SH3BGR: variants seen among roughly 807,000 people sequenced by gnomAD.
The protein encoded by SH3BGR is SH3 domain binding glutamate rich protein, also known as SH3 domain-binding glutamic acid-rich protein.
A neutral mutation model predicts 24.5 loss-of-function variants in SH3BGR; 29 were observed. That is an observed-to-expected ratio of 1.18 (90% CI 0.88 to 1.61). The LOEUF (loss-of-function observed/expected upper bound fraction) is 1.61. SH3BGR is among the 40% of genes most tolerant of loss of function. The pLI is 0.00. For missense variants in SH3BGR, 162 were observed against 205.8 expected (o/e 0.79, Z 1.30); for synonymous variants, 55 against 65.7 (o/e 0.84, Z 0.79).
At chr21:39,470,793 C>T (rs1192431025) in intron 2 of SH3BGR, among the ~76,000 whole-genome samples, 4 of 151,798 alleles carry the variant, frequency 2.6e-5, no homozygotes, top group Non-Finnish European at 2.9e-5. Flanking sequence ...TTATTTTCTT[C>T]TTCCTGAATA....
intron 3 of SH3BGR, among the ~76,000 whole-genome samples, chr21:39,492,458 GTGTGTGTGTA>G (rs1047480099): frequency 9.3e-6 from 1 of 107,708 alleles, no homozygotes; most frequent in Non-Finnish European, 2.1e-5. Context: ...GTGTGTGTGT[GTGTGTGTGTA>G]TATATATATA....
At chr21:39,449,916 T>C (rs188919392), upstream of SH3BGR, among the ~76,000 whole-genome samples, 1 of 152,174 alleles carries the variant, frequency 6.6e-6, no homozygotes, top group African/African-American at 2.4e-5. Context: ...TTAGCTGTTA[T>C]TTGAGTAGGA....
chr21:39,492,369 A>G (rs1465186601), intron 3 of SH3BGR, among the ~76,000 whole-genome samples: 1 of 151,976 alleles, frequency 6.6e-6, no homozygotes, highest in Non-Finnish European at 1.5e-5. Context: ...ACTTAGAATA[A>G]TAGTCTCCAA....
chr21:39,469,675 C>T (rs906498305), intron 2 of SH3BGR, among the ~76,000 whole-genome samples: 3 of 150,554 alleles, frequency 2.0e-5, no homozygotes, highest in Admixed American at 6.6e-5. Context: ...TTTTTTGAGA[C>T]GGAGTTTTGC....
intron 2 of SH3BGR, among the ~76,000 whole-genome samples, chr21:39,469,650 T>A (rs572767157): frequency 5.3e-5 from 8 of 151,602 alleles, no homozygotes; most frequent in Admixed American, 2.0e-4. Flanking sequence ...AATTTAATTT[T>A]ATTTATTATT....
At chr21:39,480,510 G>A (rs1204389551) in intron 3 of SH3BGR, among the ~76,000 whole-genome samples, 1 of 152,166 alleles carries the variant, frequency 6.6e-6, no homozygotes, top group Non-Finnish European at 1.5e-5. Flanking sequence ...CTGTGTTGTA[G>A]CAGGTGTCAG....
upstream of SH3BGR, among the ~76,000 whole-genome samples, chr21:39,451,628 G>A (rs2077575358): frequency 6.6e-6 from 1 of 152,114 alleles, no homozygotes; most frequent in African/African-American, 2.4e-5. Context: ...CCTCCTCCTA[G>A]ACTGAGGTGG....
chr21:39,492,686 A>G (rs2078325652), intron 3 of SH3BGR, among the ~76,000 whole-genome samples: 1 of 152,128 alleles, frequency 6.6e-6, no homozygotes, highest in South Asian at 2.1e-4. Flanking sequence ...TTAGTTCTTT[A>G]AGAAATATCC....
At chr21:39,473,889 A>AAG (rs1555911832) in intron 2 of SH3BGR, among the ~76,000 whole-genome samples, 1 of 151,378 alleles carries the variant, frequency 6.6e-6, no homozygotes, top group Non-Finnish European at 1.5e-5. Context: ...TGTCTCAAAA[A>AAG]AAAAAACAAA....
chr21:39,490,780 G>A (rs1282388300), intron 3 of SH3BGR, among the ~76,000 whole-genome samples: 1 of 150,886 alleles, frequency 6.6e-6, no homozygotes, highest in East Asian at 1.9e-4. Flanking sequence ...ACTGTCTGGA[G>A]TGCGGTGGCA....
chr21:39,457,185 T>C (rs2077669859), intron 1 of SH3BGR, among the ~76,000 whole-genome samples: 1 of 145,618 alleles, frequency 6.9e-6, no homozygotes. Context: ...ATTATGTAAG[T>C]TATATTACAT....
At chr21:39,501,111 C>A (rs1294474860) in intron 4 of SH3BGR, among the ~76,000 whole-genome samples, 1 of 152,126 alleles carries the variant, frequency 6.6e-6, no homozygotes, top group Non-Finnish European at 1.5e-5. Context: ...GTAATTAAAA[C>A]ATAATCTGTT....
At chr21:39,470,385 A>C (rs2077918208) in intron 2 of SH3BGR, among the ~76,000 whole-genome samples, 1 of 151,882 alleles carries the variant, frequency 6.6e-6, no homozygotes, top group Non-Finnish European at 1.5e-5. Context: ...CAGCCTCCTG[A>C]GTAGCTGGGA....
At chr21:39,477,866 ATTT>A (rs1334689332) in intron 3 of SH3BGR, among the ~76,000 whole-genome samples, 1 of 152,088 alleles carries the variant, frequency 6.6e-6, no homozygotes, top group Non-Finnish European at 1.5e-5. Flanking sequence ...GTGATATTTT[ATTT>A]TTTAAGTTGA....
At chr21:39,507,792 A>G (rs2078609269) in intron 4 of SH3BGR, among the ~76,000 whole-genome samples, 1 of 151,564 alleles carries the variant, frequency 6.6e-6, no homozygotes, top group African/African-American at 2.4e-5. Flanking sequence ...AATTTTTAAC[A>G]TGTTTCATAG....
At chr21:39,484,107 G>A (rs2078172281) in intron 3 of SH3BGR, among the ~76,000 whole-genome samples, 1 of 152,204 alleles carries the variant, frequency 6.6e-6, no homozygotes, top group Admixed American at 6.5e-5. Context: ...ATTGTAAAGG[G>A]CCTTCTGTGT....
chr21:39,472,114 A>G (rs1000418611), intron 2 of SH3BGR, among the ~76,000 whole-genome samples: 1 of 152,080 alleles, frequency 6.6e-6, no homozygotes, highest in African/African-American at 2.4e-5. Flanking sequence ...CAAACTGCTC[A>G]TTTTTAAAAA....
chr21:39,488,462 G>A lies in SH3BGR; in HGVS notation c.313-11361G>A, dbSNP rs530247037. 53 of 255,270 alleles carry A rather than the reference G, an allele frequency of 2.1e-4. 1 individual carries two copies. The South Asian group carries it at 2.3e-3, about 11-fold the overall frequency. The allele number at this position is 255,270 out of a possible 1,614,324, so 15.8% of individuals were successfully genotyped here. On this transcript the variant is annotated intron_variant, in intron 3 of 6. Transcript: ENST00000333634. ...CTTGGGCCAGAGCCCCACCAATGCC[G>A]AGGTGCTCCAGGTCCTGGGGGAACC...
intron 3 of SH3BGR, among the ~76,000 whole-genome samples, chr21:39,489,449 G>T (rs1022177113): frequency 6.6e-6 from 1 of 152,242 alleles, no homozygotes; most frequent in African/African-American, 2.4e-5. Flanking sequence ...TGCAGGAAGG[G>T]CCTGGGCATG....
Sources: allele counts gnomAD v4.1 joint callset (sites outside exome capture counted in the v4.1 genomes callset), GRCh38; gene constraint gnomAD v4.1.1; transcripts MANE v1.5; gene names NCBI Gene and HGNC (gene_info 2026-07-23, HGNC 2026-07-21).